Variants in ELF1 observed in about 807,000 individuals in gnomAD.
ELF1 encodes E74 like ETS transcription factor 1, also known as ETS-related transcription factor Elf-1.
ELF1 carries 24 observed loss-of-function variants against 59.9 expected under a neutral mutation model. The ratio of observed to expected loss-of-function variants is 0.40; its 90% CI spans 0.29 to 0.56. ELF1 has a LOEUF of 0.56. Among genes scored for constraint, ELF1 ranks in the 20% least tolerant of loss-of-function variants. The probability of loss-of-function intolerance (pLI) is 0.44; values close to 1 mark genes in which losing one functional copy is unlikely to be tolerated. For missense variants in ELF1, 627 were observed against 742.2 expected, an observed-to-expected ratio of 0.84 and a Z score of 1.80; for synonymous variants, 248 against 266.2, an observed-to-expected ratio of 0.93 and a Z score of 0.67.
At chr13:40,939,208 G>A (rs1869978201) in intron 8 of ELF1, among the ~76,000 whole-genome samples, 1 of 152,220 alleles carries the variant, frequency 6.6e-6, no homozygotes, top group Middle Eastern at 3.4e-3. Flanking sequence ...CCAGCTATGA[G>A]GAAGGCTGAG....
chr13:40,936,118 G>A (rs909871959), intron 8 of ELF1, among the ~76,000 whole-genome samples: 5 of 151,968 alleles, frequency 3.3e-5, no homozygotes, highest in African/African-American at 1.2e-4. Context: ...TCTTACATAC[G>A]AAAACACTGA....
At chr13:40,951,069 A>C (rs897163211) in intron 4 of ELF1, among the ~76,000 whole-genome samples, 1 of 152,224 alleles carries the variant, frequency 6.6e-6, no homozygotes, top group East Asian at 1.9e-4. Flanking sequence ...CAATATGTTA[A>C]GAGAAGAAAT....
At chr13:40,960,503 T>C (rs1871748022) in intron 2 of ELF1, among the ~76,000 whole-genome samples, 1 of 152,362 alleles carries the variant, frequency 6.6e-6, no homozygotes, top group African/African-American at 2.4e-5. Flanking sequence ...TTGGTAGGAA[T>C]ACCAAAGAAA....
At chr13:41,021,012 A>G (rs557754060), upstream of ELF1, among the ~76,000 whole-genome samples, 12 of 152,318 alleles carry the variant, frequency 7.9e-5, no homozygotes, top group South Asian at 8.3e-4. Context: ...TAACTTTAAA[A>G]GTATTCAGAT....
chr13:40,983,357 T>A (rs1055103753), intron 1 of ELF1, among the ~76,000 whole-genome samples: 3 of 152,206 alleles, frequency 2.0e-5, no homozygotes, highest in African/African-American at 7.2e-5. Flanking sequence ...GCTGATCTAG[T>A]GAATCAGTTT....
chr13:41,014,698 T>C (rs1014145246), intron 1 of ELF1, among the ~76,000 whole-genome samples: 1 of 152,138 alleles, frequency 6.6e-6, no homozygotes, highest in Non-Finnish European at 1.5e-5. Context: ...ATGAAGCAGC[T>C]CCTAAGTAAA....
intron 1 of ELF1, among the ~76,000 whole-genome samples, chr13:41,006,161 A>G (rs1874744670): frequency 7.2e-6 from 1 of 138,748 alleles, no homozygotes; most frequent in Admixed American, 7.3e-5. Context: ...GGCTTTGAAA[A>G]ACGATTTCAT....
intron 2 of ELF1, among the ~76,000 whole-genome samples, chr13:40,974,064 T>A (rs1872753755): frequency 6.6e-6 from 1 of 152,138 alleles, no homozygotes; most frequent in Non-Finnish European, 1.5e-5. Flanking sequence ...AGATTTCCCT[T>A]TGGGGTGATA....
chr13:41,025,040 G>T (rs1339504951), intron 1 of ELF1, among the ~76,000 whole-genome samples: 1 of 152,084 alleles, frequency 6.6e-6, no homozygotes, highest in Non-Finnish European at 1.5e-5. Context: ...AAAACAAAAA[G>T]AAATAAAATA....
rs1309871245 is a variant in ELF1, at chr13:40,958,853, T to A, written c.236A>T (p.Asp79Val). The change falls in exon 3 of 9, where the codon GAT (aspartate) becomes GTT (valine). Residue 79 changes from aspartate (D) to valine (V), a missense_variant. Physicochemically the swap from Asp to Val is radical, Grantham distance 152. Around this residue, in one of 3 missense-constraint regions of ELF1, gnomAD observed 232 missense variants for 269.2 expected, o/e 0.86. Coordinates refer to ENST00000239882, the MANE Select transcript of ELF1 (RefSeq NM_172373.4). ...AEEEIIDDDDDDITLTVEASC... is the reference protein window; with the variant it reads ...AEEEIIDDDDVDITLTVEASC... ...ACACGCACCTGTAAGGGTGATGTCA[T>A]CATCATCATCGTCTATGATTTCTTC... The A allele has an allele frequency of 6.2e-7, 1 of 1,611,690 alleles. No homozygotes were observed. Among genetic ancestry groups the A allele is most frequent in the Non-Finnish European group, 8.5e-7 (1 of 1,178,700 alleles).
At chr13:40,969,987 C>T in intron 2 of ELF1, among the ~76,000 whole-genome samples, 1 of 152,088 alleles carries the variant, frequency 6.6e-6, no homozygotes, top group Non-Finnish European at 1.5e-5. Context: ...GGGGATTGTT[C>T]CCTGGCAATT....
chr13:41,048,911 G>A (rs1441515571), intron 1 of ELF1, among the ~76,000 whole-genome samples: 1 of 151,910 alleles, frequency 6.6e-6, no homozygotes. Flanking sequence ...TCTTCAACCA[G>A]CCTAATCTAA....
chr13:40,940,426 A>G (rs980090224), intron 8 of ELF1, among the ~76,000 whole-genome samples: 10 of 142,482 alleles, frequency 7.0e-5, no homozygotes, highest in Middle Eastern at 3.7e-3. Flanking sequence ...AAACAAACCT[A>G]CTTTTTCAAC....
chr13:40,989,055 C>A (rs1004360341), intron 1 of ELF1, among the ~76,000 whole-genome samples: 2 of 152,188 alleles, frequency 1.3e-5, no homozygotes, highest in African/African-American at 4.8e-5. Context: ...ACCTGAGCCT[C>A]CCAAAGTGCT....
intron 2 of ELF1, among the ~76,000 whole-genome samples, chr13:40,970,979 C>T (rs1872514363): frequency 6.6e-6 from 1 of 152,174 alleles, no homozygotes; most frequent in Admixed American, 6.5e-5. Context: ...GCTTTATCCA[C>T]TCAATCCCCA....
At chr13:41,011,419 T>TA (rs1875055011) in intron 1 of ELF1, among the ~76,000 whole-genome samples, 1 of 152,174 alleles carries the variant, frequency 6.6e-6, no homozygotes, top group Admixed American at 6.5e-5. Context: ...CATCTGAATC[T>TA]ACCCAATCCC....
At chr13:41,052,475 G>C (rs993651554) in intron 1 of ELF1, among the ~76,000 whole-genome samples, 1 of 152,112 alleles carries the variant, frequency 6.6e-6, no homozygotes, top group African/African-American at 2.4e-5. Flanking sequence ...AAGAAGACTA[G>C]AAAACAAATA....
At chr13:40,987,171 T>C (rs1873598738) in intron 1 of ELF1, among the ~76,000 whole-genome samples, 1 of 150,104 alleles carries the variant, frequency 6.7e-6, no homozygotes, top group African/African-American at 2.4e-5. Context: ...CTCCTGACCT[T>C]GTGATCCACC....
At chr13:41,010,158 T>C (rs1239759103) in intron 1 of ELF1, among the ~76,000 whole-genome samples, 2 of 148,854 alleles carry the variant, frequency 1.3e-5, no homozygotes, top group South Asian at 2.1e-4. Context: ...GTAATCCCAA[T>C]ATTTTGGGAG....
Sources: allele counts gnomAD v4.1 joint callset (sites outside exome capture counted in the v4.1 genomes callset), GRCh38; gene constraint gnomAD v4.1.1; regional missense constraint gnomAD v4.1.1; transcripts MANE v1.5; gene names NCBI Gene and HGNC (gene_info 2026-07-23, HGNC 2026-07-21).